The following MSR1 variants were observed in gnomAD, a reference collection of about 807,000 sequenced individuals.
MSR1 encodes macrophage scavenger receptor 1.
Under a neutral mutation model 47.2 loss-of-function variants are expected in MSR1, and 53 were observed. The observed-to-expected ratio is 1.12, with a 90% CI of 0.90 to 1.41. MSR1 has a LOEUF of 1.41. MSR1 is among the 40% of genes most tolerant of loss of function. MSR1 has a pLI of 0.00. For synonymous variants in MSR1, 239 were observed against 185.6 expected (o/e 1.29, Z -2.34); for missense variants, 786 against 546.9 (o/e 1.44, Z -4.36).
At chr8:16,177,777 T>G in intron 2 of MSR1, 109 bp downstream of exon 2, 1 of 846,592 alleles carries the variant, frequency 1.2e-6, no homozygotes, top group Non-Finnish European at 2.0e-6. Context: ...CAAATAAGTA[T>G]TATTTTAACA....
intron 4 of MSR1, among the ~76,000 whole-genome samples, chr8:16,166,875 A>T (rs7835305): frequency 0.4 from 60,296 of 151,756 alleles, 12,773 homozygotes; most frequent in South Asian, 0.49. Flanking sequence ...TCAAAGGTCA[A>T]TAAAATTATT....
At chr8:16,113,795 T>C (rs1799815639) in intron 9 of MSR1, among the ~76,000 whole-genome samples, 1 of 152,130 alleles carries the variant, frequency 6.6e-6, no homozygotes. Flanking sequence ...ATGAAGATCT[T>C]AAGTATAAAG....
At chr8:16,120,218 A>G (rs1214120663) in intron 9 of MSR1, among the ~76,000 whole-genome samples, 200 bp downstream of exon 9, 2 of 151,876 alleles carry the variant, frequency 1.3e-5, no homozygotes, top group Admixed American at 1.3e-4. Flanking sequence ...TCTACTAAAA[A>G]TACAAAAAAT....
Position 16,168,908 on chromosome 8 carries a change from A to C in MSR1, c.218-38T>G, listed in dbSNP as rs1801402566. The stretch of plus-strand genomic sequence containing the variant: ...GTAAAAATAAACCAGTCATGGCCTG[A>C]TCCTTGAATGCATACAGGATCCCAT... On this transcript the variant is annotated intron_variant, in intron 3 of 9. Transcript: ENST00000262101. The C allele has an allele frequency of 1.9e-6, 3 of 1,582,138 alleles. No individual in the cohort carries two copies. The East Asian group carries it at 6.7e-5, about 35-fold the overall frequency.
intron 1 of MSR1, among the ~76,000 whole-genome samples, chr8:16,185,042 TA>T (rs1276892209): frequency 6.6e-6 from 1 of 152,000 alleles, no homozygotes; most frequent in African/African-American, 2.4e-5. Context: ...GAATGAACAA[TA>T]TTCCCTATGG....
At chr8:16,192,404 C>T (rs953868181) in intron 1 of MSR1, among the ~76,000 whole-genome samples, 194 bp downstream of exon 1, 8 of 151,952 alleles carry the variant, frequency 5.3e-5, no homozygotes, top group African/African-American at 1.9e-4. Flanking sequence ...GCAGAAATCC[C>T]TATTTTTTGA....
Position 16,176,996 on chromosome 8 carries a change from C to T in MSR1, c.103+890G>A, listed in dbSNP as rs531184981. ...TTTCTTTTCTGCCTCCACCCATCCC[C>T]TTAGCGATATGTATTTATATTTTGA... On this transcript the variant is annotated intron_variant, in intron 2 of 9. Transcript: ENST00000262101. 8.5e-5 allele frequency among the ~76,000 whole-genome samples: 13 copies of T among 152,280 alleles called. No individual in the cohort carries two copies. The East Asian group carries it at 2.3e-3, about 27-fold the overall frequency.
chr8:16,171,340 A>G (rs751501685), intron 3 of MSR1, among the ~76,000 whole-genome samples: 8 of 152,230 alleles, frequency 5.3e-5, no homozygotes, highest in Admixed American at 2.0e-4. Flanking sequence ...TTCAAAAAAT[A>G]CATGATACCA....
intron 8 of MSR1, among the ~76,000 whole-genome samples, chr8:16,130,431 GTA>G (rs1407711808): frequency 6.6e-6 from 1 of 152,026 alleles, no homozygotes; most frequent in Non-Finnish European, 1.5e-5. Flanking sequence ...GATGAGCACT[GTA>G]TTTTATCTTT....
At chr8:16,182,462 T>A (rs1801861505) in intron 1 of MSR1, among the ~76,000 whole-genome samples, 1 of 152,178 alleles carries the variant, frequency 6.6e-6, no homozygotes, top group Admixed American at 6.6e-5. Context: ...AACAACATTT[T>A]TACTCTTTTA....
chr8:16,122,410 ATATT>A (rs1399115227), intron 8 of MSR1, among the ~76,000 whole-genome samples: 8 of 152,148 alleles, frequency 5.3e-5, no homozygotes, highest in African/African-American at 1.9e-4. Context: ...CAAACATAAT[ATATT>A]TATCATGCAT....
rs113431725 is a variant in MSR1, at chr8:16,160,700, G to A, written c.817+3365C>T. On this transcript the variant is annotated intron_variant, in intron 5 of 9. Coordinates refer to ENST00000262101, the MANE Select transcript of MSR1 (RefSeq NM_138715.3). ...AGTGGAGCCAAGAAGGAGTAGAGAC[G>A]TAGAGAAGAACCTTTCAAGAGAAAG... 6.5e-4 allele frequency among the ~76,000 whole-genome samples: 99 copies of A among 152,062 alleles called. 1 individual carries two copies. The highest frequency in any genetic ancestry group is 1.8e-3 in the African/African-American group (75 of 41,530).
chr8:16,141,204 T>C lies in MSR1; in HGVS notation c.1033+2354A>G, dbSNP rs1800548528. On this transcript the variant is annotated intron_variant, in intron 8 of 9. Coordinates refer to ENST00000262101, the MANE Select transcript of MSR1 (RefSeq NM_138715.3). ...TCAGGCACTTTCATACAGAATAAAT[T>C]GGTACAAGCTTTTAGCAGCCATTTA... The C allele has an allele frequency of 6.8e-6, 5 of 738,428 alleles. No homozygotes were observed. In the South Asian group the frequency reaches 9.4e-5, roughly 14 times the overall value. 45.7% of individuals were successfully genotyped at this position (738,428 alleles called of 1,614,324 possible).
At chr8:16,185,908 G>T (rs777125987) in intron 1 of MSR1, among the ~76,000 whole-genome samples, 2 of 149,908 alleles carry the variant, frequency 1.3e-5, no homozygotes, top group Non-Finnish European at 3.0e-5. Context: ...TGGGTGAGTA[G>T]AGGAAGAAGA....
intron 8 of MSR1, chr8:16,140,130 G>T: frequency 1.0e-6 from 1 of 984,318 alleles, no homozygotes; most frequent in Non-Finnish European, 1.2e-6. Context: ...CCCTATCTCT[G>T]GTTGAGAATA....
intron 6 of MSR1, 24 bp from the exon 7 acceptor site, chr8:16,150,335 A>G (rs780262246): frequency 2.5e-5 from 36 of 1,421,382 alleles, no homozygotes; most frequent in Admixed American, 3.7e-5. Flanking sequence ...GAAGAAAAAA[A>G]GAAGGTAATA....
rs1480143 is a variant in MSR1, at chr8:16,139,437, T to C, written c.1033+4121A>G. 3.4e-3 allele frequency: 3,338 copies of C among 967,944 alleles called. 164 individuals are homozygous for C. In the Admixed American group the frequency reaches 0.11, roughly 31 times the overall value. The allele number at this position is 967,944 out of a possible 1,614,324, so 60.0% of individuals were successfully genotyped here. ...CATGTTCATTATACAAGAGTGGGAA[T>C]AAAAATGCTGAGATACACAGAGGCA... On this transcript the variant is annotated intron_variant, in intron 8 of 9. Coordinates refer to ENST00000262101, the MANE Select transcript of MSR1 (RefSeq NM_138715.3).
At chr8:16,113,576 T>C (rs1799811180) in intron 9 of MSR1, among the ~76,000 whole-genome samples, 1 of 152,154 alleles carries the variant, frequency 6.6e-6, no homozygotes, top group Non-Finnish European at 1.5e-5. Flanking sequence ...TAAATTAAAG[T>C]TGAAAACACC....
rs758671242 is a variant in MSR1, at chr8:16,168,549, A to G, written c.539T>C (p.Leu180Ser). The G allele has an allele frequency of 6.2e-7, 1 of 1,614,100 alleles. No individual in the cohort carries two copies. Residue 180 changes from leucine (L) to serine (S), a missense_variant, in exon 4 of 10, where the codon TTA (leucine) becomes TCA (serine). Physicochemically the swap from Leu to Ser is moderately radical, Grantham distance 145. Transcript: ENST00000262101. ...AAGCAATGTGGTATTCAAACTTATT[A>G]AGGACTTGGAGATTTCATCTATTGC... ...GNAIDEISKSLISLNTTLLDL... is the reference protein window; with the variant it reads ...GNAIDEISKSSISLNTTLLDL...
Sources: gnomAD v4.1 joint callset for allele counts (sites outside exome capture counted in the v4.1 genomes callset) on GRCh38, gnomAD v4.1.1 for gene constraint, MANE v1.5 for transcripts, NCBI Gene and HGNC (gene_info 2026-07-23, HGNC 2026-07-21) for gene names.